HMOX2: variants seen among roughly 807,000 people sequenced by gnomAD.
The protein encoded by HMOX2 is heme oxygenase (decycling) 2.
Under a neutral mutation model 33.7 loss-of-function variants are expected in HMOX2, and 30 were observed. That is an observed-to-expected ratio of 0.89 (90% CI 0.67 to 1.21). The LOEUF (loss-of-function observed/expected upper bound fraction) is 1.21. Ranked by LOEUF, HMOX2 falls within the 50% of genes most tolerant of loss-of-function variation. The pLI, the probability that HMOX2 is intolerant of heterozygous loss-of-function variation, is 0.00. For missense variants in HMOX2, 403 were observed against 399.1 expected (o/e 1.01, Z -0.08); for synonymous variants, 155 against 155.0 (o/e 1.00, Z 0.00).
At chr16:4,487,386 C>G (rs2058195602) in intron 1 of HMOX2, among the ~76,000 whole-genome samples, 1 of 151,834 alleles carries the variant, frequency 6.6e-6, no homozygotes, top group African/African-American at 2.4e-5. Context: ...ACAAAATTAG[C>G]CAGGCGTAGC....
chr16:4,492,770 G>A (rs1009062556), intron 1 of HMOX2, among the ~76,000 whole-genome samples: 4 of 151,206 alleles, frequency 2.6e-5, no homozygotes, highest in African/African-American at 9.7e-5. Context: ...GGGCACAGTG[G>A]CTCACCTTGT....
intron 1 of HMOX2, among the ~76,000 whole-genome samples, chr16:4,480,414 G>A (rs1316599222): frequency 1.4e-5 from 2 of 142,138 alleles, no homozygotes; most frequent in African/African-American, 2.7e-5. Context: ...GCGCCGTCTC[G>A]GCTCACTGCA....
At chr16:4,480,728 C>G (rs555371481) in intron 1 of HMOX2, among the ~76,000 whole-genome samples, 1 of 150,154 alleles carries the variant, frequency 6.7e-6, no homozygotes, top group East Asian at 2.0e-4. Flanking sequence ...CCTTGGTTCA[C>G]TGCAACTTCC....
intron 1 of HMOX2, among the ~76,000 whole-genome samples, chr16:4,478,981 C>G (rs2057944786): frequency 6.6e-6 from 1 of 151,916 alleles, no homozygotes; most frequent in Non-Finnish European, 1.5e-5. Context: ...ATTGTGAAAC[C>G]CCGTCTCTAC....
intron 1 of HMOX2, among the ~76,000 whole-genome samples, chr16:4,504,534 A>G (rs1358391360): frequency 1.4e-5 from 2 of 147,972 alleles, no homozygotes; most frequent in Non-Finnish European, 3.0e-5. Flanking sequence ...CTAATTTTGC[A>G]TTTTTAGTAG....
At chr16:4,506,304 C>T (rs1374418271) in intron 2 of HMOX2, among the ~76,000 whole-genome samples, 2 of 152,150 alleles carry the variant, frequency 1.3e-5, no homozygotes, top group African/African-American at 4.8e-5. Context: ...ACCTTTACAA[C>T]TGTGTAATTT....
intron 1 of HMOX2, among the ~76,000 whole-genome samples, chr16:4,502,466 C>T (rs1596470607): frequency 6.6e-6 from 1 of 152,168 alleles, no homozygotes; most frequent in Non-Finnish European, 1.5e-5. Flanking sequence ...CTGTAAGAAG[C>T]ATGGGGCCTG....
intron 1 of HMOX2, among the ~76,000 whole-genome samples, chr16:4,487,932 C>T (rs1290322854): frequency 8.5e-6 from 1 of 117,146 alleles, no homozygotes; most frequent in African/African-American, 3.3e-5. Flanking sequence ...GCCTTGGCAA[C>T]AAGAGCGAAA....
At chr16:4,493,557 A>G (rs941035537) in intron 1 of HMOX2, among the ~76,000 whole-genome samples, 2 of 152,382 alleles carry the variant, frequency 1.3e-5, no homozygotes, top group Admixed American at 1.3e-4. Flanking sequence ...GGGCAGAACC[A>G]GGGTTTGCTC....
chr16:4,505,345 G>A, intron 1 of HMOX2, 139 bp from the exon 2 acceptor site: 1 of 521,924 alleles, frequency 1.9e-6, no homozygotes, highest in East Asian at 2.8e-5. Context: ...TAATGGCAGA[G>A]CTTTATTTTA....
chr16:4,479,726 ATT>A lies in HMOX2; in HGVS notation c.-42+3270_-42+3271del, dbSNP rs58936845. ...ACCCAGCCTGCCTTTTTCTTATTCTATTTTTTTTTTTTTTTTTTTTTTTTTTT... is the reference window on the plus strand; with the variant it reads ...ACCCAGCCTGCCTTTTTCTTATTCTATTTTTTTTTTTTTTTTTTTTTTTTT... On this transcript the variant is annotated intron_variant, in intron 1 of 5. Coordinates refer to ENST00000570646, the MANE Select transcript of HMOX2 (RefSeq NM_002134.4). Among the ~76,000 whole-genome samples, 398 of 79,788 alleles carry A rather than the reference ATT, an allele frequency of 5.0e-3. 5 individuals carry two copies. The highest frequency in any genetic ancestry group is 0.019 in the African/African-American group (372 of 19,348). The allele number at this position is 79,788 out of a possible 152,430, so 52.3% of individuals were successfully genotyped here.
At chr16:4,489,521 A>G (rs2058256653) in intron 1 of HMOX2, among the ~76,000 whole-genome samples, 2 of 152,110 alleles carry the variant, frequency 1.3e-5, no homozygotes, top group Admixed American at 1.3e-4. Context: ...GTGCAGTGGC[A>G]CGGTCTTGGC....
chr16:4,506,848 G>T, intron 2 of HMOX2, 47 bp from the exon 3 acceptor site: 1 of 1,372,788 alleles, frequency 7.3e-7, no homozygotes, highest in Non-Finnish European at 1.0e-6. Context: ...TTTCTGGAAA[G>T]CTGGGAAGGG....
At chr16:4,476,025 C>T (rs2057817202), upstream of HMOX2, 1 of 152,206 alleles carries the variant, frequency 6.6e-6, no homozygotes, top group South Asian at 2.1e-4. Flanking sequence ...GACTGGTAAC[C>T]GAGGTGTCAG....
At chr16:4,507,413 C>G (rs1784377210) in intron 3 of HMOX2, among the ~76,000 whole-genome samples, 1 of 151,798 alleles carries the variant, frequency 6.6e-6, no homozygotes, top group African/African-American at 2.4e-5. Context: ...CCACTGTACT[C>G]CAGCCTGGGT....
At chr16:4,485,385 G>A (rs992133148) in intron 1 of HMOX2, among the ~76,000 whole-genome samples, 18 of 152,164 alleles carry the variant, frequency 1.2e-4, no homozygotes, top group Non-Finnish European at 2.1e-4. Flanking sequence ...GCACTGAGGG[G>A]ATGTGCAAAT....
intron 1 of HMOX2, among the ~76,000 whole-genome samples, chr16:4,481,370 A>G (rs1225631272): frequency 6.6e-6 from 1 of 152,016 alleles, no homozygotes; most frequent in African/African-American, 2.4e-5. Flanking sequence ...AAAAAAGAAA[A>G]AAATAAAACA....
intron 1 of HMOX2, among the ~76,000 whole-genome samples, chr16:4,497,772 T>C (rs1029977562): frequency 6.8e-6 from 1 of 146,178 alleles, no homozygotes; most frequent in African/African-American, 2.8e-5. Context: ...ATTCAATGTA[T>C]TTTTTGAGAT....
At chr16:4,486,306 A>G (rs1306485182) in intron 1 of HMOX2, among the ~76,000 whole-genome samples, 3 of 152,222 alleles carry the variant, frequency 2.0e-5, no homozygotes, top group African/African-American at 7.2e-5. Context: ...TTGCCTGAGT[A>G]CTTGTCCAAA....
Sources: gnomAD v4.1 joint callset for allele counts (sites outside exome capture counted in the v4.1 genomes callset) on GRCh38, gnomAD v4.1.1 for gene constraint, MANE v1.5 for transcripts, NCBI Gene and HGNC (gene_info 2026-07-23, HGNC 2026-07-21) for gene names.